Variants in CLIC6 observed in about 807,000 individuals in gnomAD.
The protein encoded by CLIC6 is CLIC family member 6.
CLIC6 carries 39 observed loss-of-function variants against 49.2 expected under a neutral mutation model. The ratio of observed to expected loss-of-function variants is 0.79; its 90% CI spans 0.61 to 1.04. CLIC6 has a LOEUF of 1.04. CLIC6 is among the 50% of genes least tolerant of loss of function. The pLI, the probability that CLIC6 is intolerant of heterozygous loss-of-function variation, is 0.00. For synonymous variants in CLIC6, 446 were observed against 433.4 expected (o/e 1.03, Z -0.36); for missense variants, 988 against 993.1 (o/e 0.99, Z 0.07).
Position 34,669,803 on chromosome 21 carries a change from G to C in CLIC6, c.415G>C (p.Glu139Gln), listed in dbSNP as rs1023371257. The C allele has an allele frequency of 7.0e-7, 1 of 1,424,150 alleles. No individual in the cohort carries two copies. The highest frequency in any genetic ancestry group is 3.0e-5 in the Admixed American group (1 of 32,822). The allele number at this position is 1,424,150 out of a possible 1,614,324, so 88.2% of individuals were successfully genotyped here. Reference sequence around the variant, plus strand: ...GGACTCTGCGGCCCCCGAGAGGCAGGAGGAGGCGGAGCAGAGGCCTGAGGT... The same window carrying C: ...GGACTCTGCGGCCCCCGAGAGGCAGCAGGAGGCGGAGCAGAGGCCTGAGGT... ...PEDSAAPERQ[E>Q]EAEQRPEVPE... Residue 139 changes from glutamate to glutamine, a missense_variant, in exon 1 of 6, where the codon GAG becomes CAG. By Grantham distance (29) the Glu-to-Gln change is conservative (BLOSUM62 2). Coordinates refer to ENST00000349499, the MANE Select transcript of CLIC6 (RefSeq NM_053277.3).
chr21:34,670,166 GTA>G lies in CLIC6; in HGVS notation c.779_780del (p.Val260GlyfsTer35). 6.8e-6 allele frequency: 6 copies of G among 881,424 alleles called. No homozygotes were observed. The highest frequency in any genetic ancestry group is 2.7e-5 in the South Asian group (1 of 36,952). The allele number at this position is 881,424 out of a possible 1,614,324, so 54.6% of individuals were successfully genotyped here. On this transcript the variant is annotated frameshift_variant, in exon 1 of 6. Coordinates refer to ENST00000349499, the MANE Select transcript of CLIC6 (RefSeq NM_053277.3). LOFTEE classifies it high-confidence loss of function. ...GGCGGGGGACCCGGCGGGGGACGGCGTAGAAGCGGGGGTCCCGGCGGGGGACA... is the reference window on the plus strand; with the variant it reads ...GGCGGGGGACCCGGCGGGGGACGGCGGAAGCGGGGGTCCCGGCGGGGGACA... ...VEAGDPAGDGVEAGVPAGDSV... is the reference protein window; with the variant it reads ...VEAGDPAGDGXEAGVPAGDSV...
intron 1 of CLIC6, among the ~76,000 whole-genome samples, chr21:34,688,557 G>C (rs1346893916): frequency 6.6e-6 from 1 of 152,236 alleles, no homozygotes; most frequent in African/African-American, 2.4e-5. Flanking sequence ...CTTGACGCCT[G>C]CTCCACCTCA....
At chr21:34,688,468 GAGACGCCTTACAGATAGTCTGCAT>G (rs1989926323) in intron 1 of CLIC6, among the ~76,000 whole-genome samples, 1 of 152,250 alleles carries the variant, frequency 6.6e-6, no homozygotes, top group South Asian at 2.1e-4. Flanking sequence ...CTAAGAAGCA[GAGACGCCTTACAGATAGTCTGCAT>G]AGACGCCCTG....
intron 1 of CLIC6, among the ~76,000 whole-genome samples, chr21:34,692,411 A>G (rs1350704008): frequency 6.6e-6 from 1 of 152,196 alleles, no homozygotes; most frequent in East Asian, 1.9e-4. Context: ...GGGCATTTGT[A>G]GATAGGTGGA....
chr21:34,684,055 C>G (rs1455724930), intron 1 of CLIC6, among the ~76,000 whole-genome samples: 1 of 150,352 alleles, frequency 6.7e-6, no homozygotes, highest in African/African-American at 2.4e-5. Context: ...TGGCTGTTCA[C>G]ATAAAAATAA....
rs1274115944 is a variant in CLIC6 at position 34,669,498 on chromosome 21, A to G, written c.110A>G (p.Glu37Gly). ...RPGEPGAAGG[E>G]AEGPEGSEGA... ...GGAGAGCCAGGAGCCGCGGGCGGGG[A>G]GGCAGAAGGGCCGGAGGGGAGCGAG... The change falls in exon 1 of 6, where the codon GAG (glutamate) becomes GGG (glycine). Residue 37 changes from glutamate to glycine, a missense_variant. Coordinates refer to ENST00000349499, the MANE Select transcript of CLIC6 (RefSeq NM_053277.3). The G allele has an allele frequency of 2.4e-6, 3 of 1,234,286 alleles. No individual in the cohort carries two copies. Among genetic ancestry groups the G allele is most frequent in the Non-Finnish European group, 3.0e-6 (3 of 989,814 alleles). 76.5% of individuals were successfully genotyped at this position (1,234,286 alleles called of 1,614,324 possible).
Position 34,670,166 on chromosome 21 carries a change from G to A in CLIC6, c.778G>A (p.Val260Ile). ...VEAGDPAGDG[V>I]EAGVPAGDSV... ...GGCGGGGGACCCGGCGGGGGACGGC[G>A]TAGAAGCGGGGGTCCCGGCGGGGGA... Residue 260 changes from valine to isoleucine, a missense_variant, in exon 1 of 6, where the codon GTA becomes ATA. Physicochemically the swap from Val to Ile is conservative, Grantham distance 29. Coordinates refer to ENST00000349499, the MANE Select transcript of CLIC6 (RefSeq NM_053277.3). 1.1e-6 allele frequency: 1 copy of A among 881,426 alleles called. No individual in the cohort carries two copies. The highest frequency in any genetic ancestry group is 1.5e-6 in the Non-Finnish European group (1 of 664,992). The allele number at this position is 881,426 out of a possible 1,614,324, so 54.6% of individuals were successfully genotyped here. A position where few individuals can be genotyped will look rare whatever the true frequency, so the allele number is the denominator to read the frequency against.
At chr21:34,714,368 C>T (rs1230471475) in intron 5 of CLIC6, among the ~76,000 whole-genome samples, 1 of 152,164 alleles carries the variant, frequency 6.6e-6, no homozygotes, top group East Asian at 1.9e-4. Context: ...TTGTCATCAT[C>T]AGGAGTTAAC....
intron 1 of CLIC6, among the ~76,000 whole-genome samples, chr21:34,699,222 G>A (rs1990143056): frequency 6.6e-6 from 1 of 152,092 alleles, no homozygotes; most frequent in Non-Finnish European, 1.5e-5. Context: ...AGAGTAGGTA[G>A]TCAGTGAATG....
chr21:34,709,249 T>TTGC (rs2056038552), intron 4 of CLIC6, 108 bp from the exon 5 acceptor site: 1 of 939,980 alleles, frequency 1.1e-6, no homozygotes, highest in Admixed American at 2.2e-5. Context: ...CACCCATTGC[T>TTGC]TGCTGGCCAC....
Position 34,670,162 on chromosome 21 carries a change from CGG to C in CLIC6, c.775_776del (p.Gly259ArgfsTer36). ...SVEAGDPAGD[G>X]VEAGVPAGDS... Reference sequence around the variant, plus strand: ...TAGAGGCGGGGGACCCGGCGGGGGACGGCGTAGAAGCGGGGGTCCCGGCGGGG... The same window carrying C: ...TAGAGGCGGGGGACCCGGCGGGGGACCGTAGAAGCGGGGGTCCCGGCGGGG... On this transcript the variant is annotated frameshift_variant, in exon 1 of 6. Coordinates refer to ENST00000349499, the MANE Select transcript of CLIC6 (RefSeq NM_053277.3). LOFTEE classifies it high-confidence loss of function. The C allele has an allele frequency of 7.3e-7, 1 of 1,374,592 alleles. No individual in the cohort carries two copies. Among genetic ancestry groups the C allele is most frequent in the Non-Finnish European group, 9.3e-7 (1 of 1,071,226 alleles). 85.1% of individuals were successfully genotyped at this position (1,374,592 alleles called of 1,614,324 possible). A position where few individuals can be genotyped will look rare whatever the true frequency, so the allele number is the denominator to read the frequency against.
chr21:34,688,984 T>G (rs1989936855), intron 1 of CLIC6, among the ~76,000 whole-genome samples: 1 of 152,204 alleles, frequency 6.6e-6, no homozygotes, highest in Non-Finnish European at 1.5e-5. Flanking sequence ...AGGATCTTCC[T>G]TTCTAATCTC....
In CLIC6 at chr21:34,716,539, T is replaced by C. The variant is rs2056086559; in HGVS notation, c.*57T>C. On this transcript the variant is annotated 3_prime_UTR_variant, in exon 6 of 6. Coordinates refer to ENST00000349499, the MANE Select transcript of CLIC6 (RefSeq NM_053277.3). ...TGAGTGAGCAAGGATACGAAAACAG[T>C]GTGTTTGAAAACAAATTAGGTTTGG... The C allele has an allele frequency of 2.8e-6, 4 of 1,446,572 alleles. No individual in the cohort carries two copies. The Admixed American group carries it at 8.9e-5, about 32-fold the overall frequency. 89.6% of individuals were successfully genotyped at this position (1,446,572 alleles called of 1,614,324 possible).
At chr21:34,682,499 T>C (rs1437811567) in intron 1 of CLIC6, among the ~76,000 whole-genome samples, 11 of 152,194 alleles carry the variant, frequency 7.2e-5, no homozygotes, top group Admixed American at 2.0e-4. Flanking sequence ...TCTGCATTTT[T>C]CTTATGGGCT....
At chr21:34,706,923 G>A (rs143856842) in intron 1 of CLIC6, among the ~76,000 whole-genome samples, 121 of 152,306 alleles carry the variant, frequency 7.9e-4, no homozygotes, top group African/African-American at 2.8e-3. Flanking sequence ...AGGAAAGGGC[G>A]TGTCTTTCTT....
At chr21:34,702,905 ACT>A (rs1393057281) in intron 1 of CLIC6, among the ~76,000 whole-genome samples, 6 of 150,488 alleles carry the variant, frequency 4.0e-5, no homozygotes, top group African/African-American at 4.9e-5. Flanking sequence ...TCTGAGGACA[ACT>A]CTCTGGCCTC....
intron 1 of CLIC6, among the ~76,000 whole-genome samples, chr21:34,678,108 G>A (rs1207423595): frequency 6.8e-6 from 1 of 146,024 alleles, no homozygotes; most frequent in East Asian, 2.0e-4. Context: ...GGACCACAAA[G>A]CCCACAATAT....
chr21:34,709,583 C>A, intron 5 of CLIC6, 45 bp downstream of exon 5: 1 of 1,547,566 alleles, frequency 6.5e-7, no homozygotes, highest in Non-Finnish European at 8.9e-7. Flanking sequence ...ACGAACGGGG[C>A]TTTGTTTTAT....
chr21:34,711,650 C>T (rs1029601772), intron 5 of CLIC6, among the ~76,000 whole-genome samples: 4 of 152,178 alleles, frequency 2.6e-5, no homozygotes, highest in Admixed American at 1.3e-4. Flanking sequence ...CTGCTTCATT[C>T]TTTTGCCTTT....
Sources: allele counts gnomAD v4.1 joint callset (sites outside exome capture counted in the v4.1 genomes callset), GRCh38; gene constraint gnomAD v4.1.1; transcripts MANE v1.5; gene names NCBI Gene and HGNC (gene_info 2026-07-23, HGNC 2026-07-21).